CDKAL1: variants seen among roughly 807,000 people sequenced by gnomAD.
The protein encoded by CDKAL1 is CDKAL1 threonylcarbamoyladenosine tRNA methylthiotransferase, also known as threonylcarbamoyladenosine tRNA methylthiotransferase.
A neutral mutation model predicts 68.2 loss-of-function variants in CDKAL1; 32 were observed. That is an observed-to-expected ratio of 0.47 (90% CI 0.35 to 0.63). The LOEUF is 0.63. CDKAL1 is among the 30% of genes least tolerant of loss of function. CDKAL1 has a pLI of 0.00. For synonymous variants in CDKAL1, 234 were observed against 244.3 expected (o/e 0.96, Z 0.39); for missense variants, 606 against 696.7 (o/e 0.87, Z 1.47).
rs755818002 is a variant in CDKAL1, at chr6:20,574,216, C to G, written c.286+25511C>G. Among the ~76,000 whole-genome samples, 10 of 152,214 alleles carry G rather than the reference C, an allele frequency of 6.6e-5. No homozygotes were observed. In the South Asian group the frequency reaches 2.1e-3, roughly 32 times the overall value. ...TAGTCAGAGACTTTGCAAATGATTT[C>G]TACAAAAATAAACTATAAAATAGAT... On this transcript the variant is annotated intron_variant, in intron 4 of 15. Coordinates refer to ENST00000274695, the MANE Select transcript of CDKAL1 (RefSeq NM_017774.3).
At chr6:21,167,743 C>A (rs1365897892) in intron 13 of CDKAL1, among the ~76,000 whole-genome samples, 1 of 152,212 alleles carries the variant, frequency 6.6e-6, no homozygotes, top group African/African-American at 2.4e-5. Flanking sequence ...CTAAGACATT[C>A]TTCACCAGTG....
Position 21,142,192 on chromosome 6 carries a change from T to G in CDKAL1, c.1299+33729T>G, listed in dbSNP as rs113022564. Among the ~76,000 whole-genome samples the G allele has an allele frequency of 2.5e-3, 388 of 152,192 alleles. 2 individuals carry two copies. Among genetic ancestry groups the G allele is most frequent in the African/African-American group, 9.1e-3 (377 of 41,504 alleles). ...AATTTGCTGCCAGTTCCTTCCTTCC[T>G]TTTCTCCCCTCTTGGCAAGAGAATG... On this transcript the variant is annotated intron_variant, in intron 13 of 15. Coordinates refer to ENST00000274695, the MANE Select transcript of CDKAL1 (RefSeq NM_017774.3).
intron 11 of CDKAL1, among the ~76,000 whole-genome samples, chr6:21,012,325 G>A (rs771922371): frequency 5.9e-5 from 9 of 152,122 alleles, no homozygotes; most frequent in Admixed American, 1.3e-4. Context: ...GGAGCAATTA[G>A]CAGTCTTTGC....
rs565292399 is a variant in CDKAL1 at position 21,064,513 on chromosome 6, C to T, written c.1056-535C>T. ...AAAACATCAACATAGGTATATAGAACATTAAGCTAATTTTTTTAAAAAGAG... is the reference window on the plus strand; with the variant it reads ...AAAACATCAACATAGGTATATAGAATATTAAGCTAATTTTTTTAAAAAGAG... On this transcript the variant is annotated intron_variant, in intron 11 of 15. Transcript: ENST00000274695. Among the ~76,000 whole-genome samples the T allele has an allele frequency of 4.4e-4, 67 of 152,182 alleles. 2 individuals are homozygous for T. The South Asian group carries it at 0.014, about 31-fold the overall frequency.
intron 8 of CDKAL1, among the ~76,000 whole-genome samples, chr6:20,813,263 G>A (rs1487124185): frequency 6.6e-6 from 1 of 151,950 alleles, no homozygotes; most frequent in Non-Finnish European, 1.5e-5. Flanking sequence ...TATATTTTTA[G>A]GTTGAGTGCC....
intron 13 of CDKAL1, 65 bp downstream of exon 13, chr6:21,108,528 C>T: frequency 3.9e-6 from 4 of 1,027,608 alleles, no homozygotes; most frequent in Non-Finnish European, 5.8e-6. Context: ...GTACAATTTT[C>T]ACCAACATAT....
chr6:20,603,446 C>T (rs1347550782), intron 4 of CDKAL1, among the ~76,000 whole-genome samples: 1 of 152,306 alleles, frequency 6.6e-6, no homozygotes, highest in East Asian at 1.9e-4. Context: ...GGCTCAGACT[C>T]CTTTGATACC....
chr6:21,102,565 TCA>T (rs984041976), intron 12 of CDKAL1, among the ~76,000 whole-genome samples: 2 of 152,180 alleles, frequency 1.3e-5, no homozygotes, highest in Non-Finnish European at 2.9e-5. Context: ...CCCTTGACTC[TCA>T]GTCATTTGTT....
intron 5 of CDKAL1, among the ~76,000 whole-genome samples, chr6:20,659,001 T>A (rs1217850353): frequency 6.7e-6 from 1 of 149,170 alleles, no homozygotes; most frequent in African/African-American, 2.5e-5. Context: ...ATTATTATTA[T>A]TTTTTTTTAG....
At chr6:20,931,381 T>C (rs1279155305) in intron 9 of CDKAL1, among the ~76,000 whole-genome samples, 1 of 152,162 alleles carries the variant, frequency 6.6e-6, no homozygotes, top group Non-Finnish European at 1.5e-5. Context: ...CACCATACAA[T>C]TTTACAAATA....
At chr6:21,077,086 A>G (rs1043043217) in intron 12 of CDKAL1, among the ~76,000 whole-genome samples, 1 of 152,134 alleles carries the variant, frequency 6.6e-6, no homozygotes, top group African/African-American at 2.4e-5. Context: ...TGAAATGCCT[A>G]ATAATCTTTG....
chr6:20,962,479 C>A (rs961228041), intron 10 of CDKAL1, among the ~76,000 whole-genome samples: 1 of 152,104 alleles, frequency 6.6e-6, no homozygotes, highest in African/African-American at 2.4e-5. Context: ...ACAGTAGATA[C>A]CTGTCAAGGA....
At chr6:21,155,744 C>A (rs1224541628) in intron 13 of CDKAL1, among the ~76,000 whole-genome samples, 1 of 152,106 alleles carries the variant, frequency 6.6e-6, no homozygotes, top group Non-Finnish European at 1.5e-5. Context: ...AGTAATTAGT[C>A]CTACTGGGAA....
intron 8 of CDKAL1, among the ~76,000 whole-genome samples, chr6:20,812,227 T>G (rs1410932655): frequency 6.6e-6 from 1 of 152,222 alleles, no homozygotes; most frequent in Non-Finnish European, 1.5e-5. Context: ...TCTCCAACAT[T>G]CTGCAAAGGT....
intron 13 of CDKAL1, among the ~76,000 whole-genome samples, chr6:21,119,677 T>C (rs979624441): frequency 5.9e-5 from 9 of 152,228 alleles, no homozygotes; most frequent in Non-Finnish European, 1.2e-4. Flanking sequence ...TTTATACTTA[T>C]ATTTTCTTAG....
intron 9 of CDKAL1, among the ~76,000 whole-genome samples, chr6:20,857,336 A>G (rs1581709124): frequency 6.6e-6 from 1 of 152,362 alleles, no homozygotes; most frequent in East Asian, 1.9e-4. Flanking sequence ...AGAATGAGAA[A>G]GAATTGATGA....
chr6:20,872,049 A>G (rs1033651133), intron 9 of CDKAL1, among the ~76,000 whole-genome samples: 23 of 152,176 alleles, frequency 1.5e-4, no homozygotes, highest in Non-Finnish European at 4.4e-5. Flanking sequence ...GACTCAAGCA[A>G]GTTCCTTAGA....
intron 13 of CDKAL1, among the ~76,000 whole-genome samples, chr6:21,120,798 A>C (rs576772465): frequency 1.3e-5 from 2 of 152,320 alleles, no homozygotes; most frequent in African/African-American, 4.8e-5. Flanking sequence ...TTTTAAAAAA[A>C]TAGCTGTATA....
intron 13 of CDKAL1, among the ~76,000 whole-genome samples, chr6:21,184,195 C>T (rs1482332784): frequency 1.0e-5 from 1 of 99,342 alleles, no homozygotes; most frequent in African/African-American, 4.1e-5. Flanking sequence ...ATTTCTTTGA[C>T]CTTTTTTTTT....
Sources: gnomAD v4.1 joint callset for allele counts (sites outside exome capture counted in the v4.1 genomes callset) on GRCh38, gnomAD v4.1.1 for gene constraint, MANE v1.5 for transcripts, NCBI Gene and HGNC (gene_info 2026-07-23, HGNC 2026-07-21) for gene names.